The following GMDS variants were observed in gnomAD, a reference collection of about 807,000 sequenced individuals.
The protein encoded by GMDS is GDP-mannose 4,6-dehydratase.
A neutral mutation model predicts 49.9 loss-of-function variants in GMDS; 20 were observed. That is an observed-to-expected ratio of 0.40 (90% CI 0.28 to 0.58). GMDS has a LOEUF of 0.58. Ranked by LOEUF, GMDS falls within the 20% of genes least tolerant of loss-of-function variation. The pLI is 0.42. For synonymous variants in GMDS, 177 were observed against 178.6 expected (o/e 0.99, Z 0.07); for missense variants, 362 against 481.4 (o/e 0.75, Z 2.32).
intron 9 of GMDS, among the ~76,000 whole-genome samples, chr6:1,663,252 T>C (rs923806524): frequency 2.0e-5 from 3 of 152,136 alleles, no homozygotes; most frequent in African/African-American, 7.2e-5. Context: ...TGCTGGGAAG[T>C]GATGGCAACG....
intron 6 of GMDS, among the ~76,000 whole-genome samples, chr6:1,952,660 C>T (rs1763411269): frequency 6.6e-6 from 1 of 151,932 alleles, no homozygotes; most frequent in Non-Finnish European, 1.5e-5. Flanking sequence ...TGTTGCAAGG[C>T]CCCATGGTCA....
chr6:2,121,464 T>A (rs894349938), intron 2 of GMDS, among the ~76,000 whole-genome samples: 2 of 152,194 alleles, frequency 1.3e-5, no homozygotes, highest in East Asian at 3.8e-4. Context: ...CTTTAAACTT[T>A]TAAATTGAGT....
intron 4 of GMDS, among the ~76,000 whole-genome samples, chr6:1,968,049 C>T (rs1226318449): frequency 1.3e-5 from 2 of 152,178 alleles, no homozygotes; most frequent in African/African-American, 2.4e-5. Flanking sequence ...CTAGACCTCA[C>T]AGCAAATAAA....
intron 7 of GMDS, among the ~76,000 whole-genome samples, chr6:1,805,578 T>C (rs574575369): frequency 2.0e-4 from 30 of 152,338 alleles, no homozygotes; most frequent in African/African-American, 7.2e-4. Flanking sequence ...TTCACCGATA[T>C]ACAGGAGATA....
intron 6 of GMDS, among the ~76,000 whole-genome samples, chr6:1,931,504 T>C (rs550463338): frequency 6.6e-6 from 1 of 152,260 alleles, no homozygotes; most frequent in South Asian, 2.1e-4. Flanking sequence ...TGTTAAGAAA[T>C]ACAAAGTTTC....
At chr6:2,131,669 A>C (rs1402927856) in intron 1 of GMDS, among the ~76,000 whole-genome samples, 1 of 152,212 alleles carries the variant, frequency 6.6e-6, no homozygotes, top group African/African-American at 2.4e-5. Context: ...CTGTAAATCC[A>C]AAGGCATCTA....
intron 8 of GMDS, among the ~76,000 whole-genome samples, chr6:1,732,406 T>A (rs145116453): frequency 6.6e-6 from 1 of 152,170 alleles, no homozygotes; most frequent in Non-Finnish European, 1.5e-5. Flanking sequence ...GTCATGGTAA[T>A]GTAGCACTAA....
At chr6:2,096,497 A>G (rs750251732) in intron 4 of GMDS, among the ~76,000 whole-genome samples, 100 of 152,300 alleles carry the variant, frequency 6.6e-4, no homozygotes, top group Non-Finnish European at 1.3e-3. Flanking sequence ...AAGACACTTT[A>G]TGTTAACTAA....
intron 9 of GMDS, among the ~76,000 whole-genome samples, chr6:1,660,101 G>A (rs1021566095): frequency 2.0e-5 from 3 of 152,048 alleles, no homozygotes; most frequent in African/African-American, 7.2e-5. Flanking sequence ...GTGGCACCTT[G>A]AAGAAGATGA....
At chr6:1,853,517 CAAAAAAAAAAA>C (rs34773610) in intron 7 of GMDS, among the ~76,000 whole-genome samples, 2 of 70,382 alleles carry the variant, frequency 2.8e-5, no homozygotes, top group Non-Finnish European at 5.1e-5. Context: ...GACTCCGTCT[CAAAAAAAAAAA>C]AAAAAAAAAA....
intron 7 of GMDS, among the ~76,000 whole-genome samples, chr6:1,786,626 A>G (rs1444912435): frequency 6.6e-6 from 1 of 152,154 alleles, no homozygotes; most frequent in Non-Finnish European, 1.5e-5. Context: ...CTCCCTACAG[A>G]CTGAGCACAA....
intron 1 of GMDS, among the ~76,000 whole-genome samples, chr6:2,230,951 C>CCCG (rs1554100759): frequency 2.0e-5 from 2 of 99,310 alleles, no homozygotes; most frequent in African/African-American, 8.0e-5. Flanking sequence ...ACCCCCCCCC[C>CCCG]CCGTTCCTTC....
intron 4 of GMDS, among the ~76,000 whole-genome samples, chr6:2,000,593 C>T (rs745745812): frequency 1.3e-5 from 2 of 152,290 alleles, no homozygotes; most frequent in East Asian, 1.9e-4. Context: ...TATATTGGAG[C>T]ATGTATCACT....
At chr6:1,775,005 C>T (rs1768738330) in intron 7 of GMDS, among the ~76,000 whole-genome samples, 1 of 152,184 alleles carries the variant, frequency 6.6e-6, no homozygotes, top group Non-Finnish European at 1.5e-5. Context: ...TTGGCTGATT[C>T]CGAAAGACAA....
chr6:1,974,401 C>T (rs1264146726), intron 4 of GMDS, among the ~76,000 whole-genome samples: 2 of 152,026 alleles, frequency 1.3e-5, no homozygotes, highest in Non-Finnish European at 2.9e-5. Context: ...GGTTCAAGCA[C>T]AGAAATGCAA....
chr6:2,046,158 A>G (rs1302218938), intron 4 of GMDS, among the ~76,000 whole-genome samples: 1 of 152,200 alleles, frequency 6.6e-6, no homozygotes, highest in Non-Finnish European at 1.5e-5. Flanking sequence ...GTCTACAGTG[A>G]GCCAAGATCA....
intron 4 of GMDS, among the ~76,000 whole-genome samples, chr6:2,071,684 T>TA (rs148189888): frequency 0.1 from 14,744 of 141,058 alleles, 2,347 homozygotes; most frequent in African/African-American, 0.35. Flanking sequence ...ACTTCACATT[T>TA]AAAAAAAAAA....
rs1034757023 is a variant in GMDS, at chr6:1,729,247, T to C, written c.891-2735A>G. On this transcript the variant is annotated intron_variant, in intron 8 of 10. Transcript: ENST00000380815. ...AAGGCTGAAGGAGAAACACTCCCTC[T>C]CTGAGGGGTTTATTAAATACAGCCT... Among the ~76,000 whole-genome samples, 9 of 152,282 alleles carry C rather than the reference T, an allele frequency of 5.9e-5. No individual in the cohort carries two copies. In the East Asian group the frequency reaches 1.5e-3, roughly 26 times the overall value.
intron 4 of GMDS, among the ~76,000 whole-genome samples, chr6:2,048,079 T>C (rs980509891): frequency 2.6e-5 from 4 of 152,224 alleles, no homozygotes; most frequent in Non-Finnish European, 4.4e-5. Context: ...CCATTATTCA[T>C]GTGTACACAT....
Sources: gnomAD v4.1 joint callset for allele counts (sites outside exome capture counted in the v4.1 genomes callset) on GRCh38, gnomAD v4.1.1 for gene constraint, MANE v1.5 for transcripts, NCBI Gene and HGNC (gene_info 2026-07-23, HGNC 2026-07-21) for gene names.